The following DNAJC6 variants were observed in gnomAD, a reference collection of about 807,000 sequenced individuals.
DNAJC6 encodes the protein auxilin.
In DNAJC6, 34 loss-of-function variants were observed where a neutral mutation model predicts 110.0. That is an observed-to-expected ratio of 0.31 (90% CI 0.24 to 0.41). The LOEUF (loss-of-function observed/expected upper bound fraction) is 0.41, where lower values mean the gene tolerates loss of function less well. Ranked by LOEUF, DNAJC6 falls within the 10% of genes least tolerant of loss-of-function variation. The pLI, the probability that DNAJC6 is intolerant of heterozygous loss-of-function variation, is 1.00. For missense variants in DNAJC6, 1,031 were observed against 1,207.8 expected (o/e 0.85, Z 2.17); for synonymous variants, 406 against 437.2 (o/e 0.93, Z 0.89).
At chr1:65,358,230 AT>A (rs1340159153) in intron 1 of DNAJC6, among the ~76,000 whole-genome samples, 1 of 151,774 alleles carries the variant, frequency 6.6e-6, no homozygotes, top group Non-Finnish European at 1.5e-5. Flanking sequence ...CTTGCAGAAA[AT>A]TTAGAAAATA....
chr1:65,403,922 A>G (rs1237507910), intron 15 of DNAJC6, among the ~76,000 whole-genome samples: 1 of 152,162 alleles, frequency 6.6e-6, no homozygotes, highest in African/African-American at 2.4e-5. Context: ...GTGTTTCCTA[A>G]ATTAATGAAT....
rs1192338892 is a variant in DNAJC6, at chr1:65,395,024, C to T, written c.2030C>T (p.Thr677Ile). 27 of 1,609,542 alleles carry T rather than the reference C, an allele frequency of 1.7e-5. No individual in the cohort carries two copies. The highest frequency in any genetic ancestry group is 2.2e-5 in the Non-Finnish European group (26 of 1,178,616). ...CAGCCAACAAGAAGTCCTTCGCCCA[C>T]AGTACATGGTAAGGAAATATTTTAT... The part of the protein sequence containing the change: ...FLQPTRSPSP[T>I]VHASSTPAVN... Residue 677 changes from threonine (T) to isoleucine (I), a missense_variant, in exon 13 of 19, where the codon ACA (threonine) becomes ATA (isoleucine). Physicochemically the swap from Thr to Ile is moderately conservative, Grantham distance 89. Coordinates refer to ENST00000371069, the MANE Select transcript of DNAJC6 (RefSeq NM_001256864.2).
intron 1 of DNAJC6, among the ~76,000 whole-genome samples, chr1:65,310,858 G>A (rs1444087915): frequency 1.3e-5 from 2 of 152,140 alleles, no homozygotes; most frequent in Admixed American, 6.5e-5. Flanking sequence ...GAAGTCCTCA[G>A]TGGTTGGTTC....
chr1:65,376,418 T>A (rs1645767161), intron 4 of DNAJC6, among the ~76,000 whole-genome samples: 1 of 151,960 alleles, frequency 6.6e-6, no homozygotes, highest in Non-Finnish European at 1.5e-5. Flanking sequence ...ATTTCTTTCC[T>A]TCTAGTAATT....
intron 1 of DNAJC6, among the ~76,000 whole-genome samples, chr1:65,349,023 C>T (rs930313903): frequency 9.4e-5 from 13 of 137,956 alleles, no homozygotes; most frequent in Non-Finnish European, 6.2e-5. Context: ...TATGTGAATA[C>T]ATATAAATAT....
At chr1:65,267,953 G>A (rs1653390922) in intron 1 of DNAJC6, among the ~76,000 whole-genome samples, 1 of 151,786 alleles carries the variant, frequency 6.6e-6, no homozygotes, top group Non-Finnish European at 1.5e-5. Context: ...CCATTCCTGG[G>A]TCCCAAATTA....
chr1:65,394,164 C>T (rs1464645443), intron 12 of DNAJC6, among the ~76,000 whole-genome samples: 1 of 152,182 alleles, frequency 6.6e-6, no homozygotes, highest in Non-Finnish European at 1.5e-5. Context: ...TTTCATTCAT[C>T]ATAGTTTCAG....
chr1:65,399,908 T>C (rs1333441276), intron 14 of DNAJC6, among the ~76,000 whole-genome samples: 4 of 152,114 alleles, frequency 2.6e-5, no homozygotes, highest in African/African-American at 4.8e-5. Flanking sequence ...GGCTGGGGCG[T>C]GGTGGCTCAC....
At chr1:65,312,475 A>G (rs1485560199) in intron 1 of DNAJC6, among the ~76,000 whole-genome samples, 2 of 152,224 alleles carry the variant, frequency 1.3e-5, no homozygotes, top group Non-Finnish European at 2.9e-5. Context: ...AAGTTCATGG[A>G]TCATTTCTAA....
At chr1:65,374,839 G>A (rs934456068) in intron 4 of DNAJC6, among the ~76,000 whole-genome samples, 2 of 152,022 alleles carry the variant, frequency 1.3e-5, no homozygotes, top group Non-Finnish European at 2.9e-5. Flanking sequence ...GGCGAAAGTG[G>A]GTATCGTTGT....
intron 15 of DNAJC6, among the ~76,000 whole-genome samples, chr1:65,403,998 A>C (rs1646053039): frequency 1.3e-5 from 2 of 152,170 alleles, no homozygotes; most frequent in South Asian, 4.1e-4. Context: ...GTATTTACCA[A>C]ATTTTAAAAT....
intron 4 of DNAJC6, among the ~76,000 whole-genome samples, chr1:65,373,769 A>G (rs1284721129): frequency 1.3e-5 from 2 of 152,096 alleles, no homozygotes; most frequent in Non-Finnish European, 2.9e-5. Flanking sequence ...TTTGCTTTGC[A>G]GAAGCTGTTT....
intron 8 of DNAJC6, 141 bp downstream of exon 8, chr1:65,387,070 C>T (rs1015155657): frequency 1.4e-4 from 98 of 713,932 alleles, no homozygotes; most frequent in Non-Finnish European, 2.1e-4. Flanking sequence ...TTGCTTAGCT[C>T]ACCTCCTTCA....
chr1:65,264,834 AATGACAAATCAAAAG>A lies in DNAJC6; in HGVS notation c.-228_-214del, dbSNP rs1190558232. On this transcript the variant is annotated 5_prime_UTR_variant, in exon 1 of 20. Coordinates refer to the DNAJC6 transcript ENST00000263441. ...TTCGCCCCCGAGACCGCTGACTGTGAATGACAAATCAAAAGTCAGGGTTGCAGAATCAGCCGGACT... is the reference window on the plus strand; with the variant it reads ...TTCGCCCCCGAGACCGCTGACTGTGATCAGGGTTGCAGAATCAGCCGGACT... 51 of 1,598,776 alleles carry A rather than the reference AATGACAAATCAAAAG, an allele frequency of 3.2e-5. No homozygotes were observed. The African/African-American group carries it at 4.2e-4, about 13-fold the overall frequency.
At chr1:65,331,881 T>C (rs776285855) in intron 1 of DNAJC6, among the ~76,000 whole-genome samples, 1 of 152,226 alleles carries the variant, frequency 6.6e-6, no homozygotes, top group African/African-American at 2.4e-5. Flanking sequence ...CACAGAGCTA[T>C]CACAGGACTT....
chr1:65,330,224 C>G (rs1405315752), intron 1 of DNAJC6, among the ~76,000 whole-genome samples: 1 of 152,132 alleles, frequency 6.6e-6, no homozygotes, highest in Admixed American at 6.5e-5. Flanking sequence ...ATTTTTGAAG[C>G]TGACCTCAAT....
rs533746725 is a variant in DNAJC6, at chr1:65,271,223, G to C, written c.-131+6291G>C. On this transcript the variant is annotated intron_variant, in intron 1 of 19. Coordinates refer to the DNAJC6 transcript ENST00000263441. ...TGGAATGATCAAATCAGGCCGATTAGCATATTTATCACCTCAAATATTTAT... is the reference window on the plus strand; with the variant it reads ...TGGAATGATCAAATCAGGCCGATTACCATATTTATCACCTCAAATATTTAT... 3.3e-5 allele frequency among the ~76,000 whole-genome samples: 5 copies of C among 152,082 alleles called. No individual in the cohort carries two copies. The South Asian group carries it at 1.0e-3, about 32-fold the overall frequency.
intron 4 of DNAJC6, among the ~76,000 whole-genome samples, chr1:65,367,810 C>T (rs986693743): frequency 1.3e-5 from 2 of 151,228 alleles, no homozygotes; most frequent in African/African-American, 4.9e-5. Context: ...CCAAAGGAAT[C>T]AGAGATTACA....
chr1:65,408,352 A>T (rs1008334484), intron 16 of DNAJC6, among the ~76,000 whole-genome samples: 3 of 152,184 alleles, frequency 2.0e-5, no homozygotes, highest in African/African-American at 7.2e-5. Context: ...AGGGATAATG[A>T]GTATCCTCAT....
Sources: gnomAD v4.1 joint callset for allele counts (sites outside exome capture counted in the v4.1 genomes callset) on GRCh38, gnomAD v4.1.1 for gene constraint, MANE v1.5 for transcripts, NCBI Gene and HGNC (gene_info 2026-07-23, HGNC 2026-07-21) for gene names.